Variants in DYNC1I2 observed in about 807,000 individuals in gnomAD.
The protein encoded by DYNC1I2 is dynein cytoplasmic 1 intermediate chain 2.
In DYNC1I2, 53 loss-of-function variants were observed where a neutral mutation model predicts 88.6. That is an observed-to-expected ratio of 0.60 (90% confidence interval 0.48 to 0.75). The LOEUF (loss-of-function observed/expected upper bound fraction) is 0.75, where lower values mean the gene tolerates loss of function less well. Ranked by LOEUF, DYNC1I2 falls within the 30% of genes least tolerant of loss-of-function variation. The probability of loss-of-function intolerance (pLI) is 0.00; values close to 1 mark genes in which losing one functional copy is unlikely to be tolerated. For missense variants in DYNC1I2, 458 were observed against 766.6 expected (o/e 0.60, Z 4.75); for synonymous variants, 198 against 254.6 (o/e 0.78, Z 2.12).
At chr2:171,712,141 G>A (rs1687166420) in intron 5 of DYNC1I2, among the ~76,000 whole-genome samples, 1 of 152,120 alleles carries the variant, frequency 6.6e-6, no homozygotes, top group East Asian at 1.9e-4. Context: ...ATCTTTAGTT[G>A]TTTTCTTTAA....
Position 171,729,756 on chromosome 2 carries a change from C to G in DYNC1I2, c.1439C>G (p.Thr480Ser), listed in dbSNP as rs374814907. The G allele has an allele frequency of 2.5e-6, 4 of 1,613,156 alleles. No homozygotes were observed. Among genetic ancestry groups the G allele is most frequent in the Non-Finnish European group, 3.4e-6 (4 of 1,179,754 alleles). The part of the protein sequence containing the change: ...EMFEGHQGPI[T>S]GIHCHAAVGA... ...TTTGAGGGGCATCAAGGACCAATCA[C>G]TGGCATCCATTGTCATGCAGCTGTT... Residue 480 changes from threonine (T) to serine (S), a missense_variant, in exon 15 of 18, where the codon ACT becomes AGT. Physicochemically the swap from Thr to Ser is moderately conservative, Grantham distance 58. Coordinates refer to ENST00000397119, the MANE Select transcript of DYNC1I2 (RefSeq NM_001378.3).
chr2:171,700,416 C>T (rs1686157537), intron 3 of DYNC1I2, among the ~76,000 whole-genome samples: 1 of 152,112 alleles, frequency 6.6e-6, no homozygotes, highest in East Asian at 1.9e-4. Context: ...AGAGAATTTA[C>T]CCATAAATCA....
At chr2:171,739,696 CTTTTTTTTTTTTTTTT>C (rs201750115) in intron 15 of DYNC1I2, among the ~76,000 whole-genome samples, 2 of 65,034 alleles carry the variant, frequency 3.1e-5, no homozygotes, top group Non-Finnish European at 5.7e-5. Flanking sequence ...TGACATATCT[CTTTTTTTTTTTTTTTT>C]TTTTTTTTTT....
chr2:171,708,094 A>AC (rs1369079913), intron 5 of DYNC1I2, among the ~76,000 whole-genome samples: 2 of 95,910 alleles, frequency 2.1e-5, no homozygotes, highest in African/African-American at 7.0e-5. Flanking sequence ...CACACACACA[A>AC]AATAGTGAGT....
At position 171,712,837 on chromosome 2, in the gene DYNC1I2, G is replaced by T. The variant is rs1254926247; in HGVS notation, c.395+11G>T. 1 of 1,607,856 alleles carries T rather than the reference G, an allele frequency of 6.2e-7. No homozygotes were observed. Among genetic ancestry groups the T allele is most frequent in the Admixed American group, 1.7e-5 (1 of 59,818 alleles). On this transcript the variant is annotated intron_variant, in intron 6 of 17. Coordinates refer to ENST00000397119, the MANE Select transcript of DYNC1I2 (RefSeq NM_001378.3). ...AGATTCCGATTTGGGGTATTGAATA[G>T]ATTTTTTACCTTCCCTGTTTTATAA... is the stretch of plus-strand genomic sequence containing the variant.
chr2:171,735,919 A>G (rs895081763), intron 15 of DYNC1I2, among the ~76,000 whole-genome samples: 14 of 152,234 alleles, frequency 9.2e-5, no homozygotes, highest in African/African-American at 3.4e-4. Flanking sequence ...CATATTTACC[A>G]TAAAATGACG....
At chr2:171,692,972 T>G (rs1685503867) in intron 3 of DYNC1I2, 78 bp downstream of exon 3, 1 of 1,004,792 alleles carries the variant, frequency 1.0e-6, no homozygotes, top group Non-Finnish European at 1.5e-6. Context: ...GTGGATTGAC[T>G]TGATATATTT....
At chr2:171,690,092 A>C (rs1574493587) in intron 1 of DYNC1I2, 55 bp from the exon 2 acceptor site, 1 of 1,130,286 alleles carries the variant, frequency 8.8e-7, no homozygotes, top group East Asian at 2.6e-5. Context: ...TTCTTGGAAC[A>C]CTAGTTTTTT....
chr2:171,699,490 A>G lies in DYNC1I2; in HGVS notation c.226+6596A>G, dbSNP rs146539471. 5.1e-3 allele frequency among the ~76,000 whole-genome samples: 774 copies of G among 152,260 alleles called. 9 individuals are homozygous for G. The highest frequency in any genetic ancestry group is 0.018 in the African/African-American group (732 of 41,540). ...TATTTTGTAGAATAATTTATAAAAG[A>G]TGCCTGTTTCTTAAAAGCTCATTAG... On this transcript the variant is annotated intron_variant, in intron 3 of 17. Transcript: ENST00000397119.
chr2:171,704,230 G>C (rs1035491455), intron 3 of DYNC1I2, among the ~76,000 whole-genome samples: 3 of 152,010 alleles, frequency 2.0e-5, no homozygotes, highest in African/African-American at 7.2e-5. Context: ...CAAGGTCTAA[G>C]CTGGTAGGAA....
chr2:171,733,566 C>G (rs1688789778), intron 15 of DYNC1I2, among the ~76,000 whole-genome samples: 1 of 135,308 alleles, frequency 7.4e-6, no homozygotes, highest in Middle Eastern at 4.2e-3. Flanking sequence ...CTCTAATGAT[C>G]AGTGATATAT....
chr2:171,715,416 A>G lies in DYNC1I2; in HGVS notation c.484A>G (p.Thr162Ala). Residue 162 changes from threonine to alanine, a missense_variant, in exon 7 of 18, where the codon ACT becomes GCT. Physicochemically the swap from Thr to Ala is moderately conservative, Grantham distance 58. Coordinates refer to ENST00000397119, the MANE Select transcript of DYNC1I2 (RefSeq NM_001378.3). ...EIVTYTKETQ[T>A]PVMAQPKEDE... ...TGTCACGTATACAAAGGAAACTCAG[A>G]CTCCAGTTATGGCTCAACCCAAAGA... The G allele has an allele frequency of 6.4e-7, 1 of 1,567,352 alleles. No individual in the cohort carries two copies. Among genetic ancestry groups the G allele is most frequent in the Non-Finnish European group, 8.7e-7 (1 of 1,154,436 alleles).
chr2:171,731,473 C>T (rs780033642), intron 15 of DYNC1I2, among the ~76,000 whole-genome samples: 227 of 152,254 alleles, frequency 1.5e-3, no homozygotes, highest in Non-Finnish European at 2.7e-3. Context: ...AAAACATTGG[C>T]CGGGCTCAGT....
chr2:171,725,803 A>G (rs1013613889), intron 8 of DYNC1I2, 90 bp downstream of exon 8: 21 of 1,286,816 alleles, frequency 1.6e-5, no homozygotes, highest in African/African-American at 3.0e-5. Context: ...AATGCTGTAA[A>G]TCAAATAAGT....
Position 171,729,986 on chromosome 2 carries a change from C to G in DYNC1I2, c.1536+133C>G, listed in dbSNP as rs941655489. 30 of 1,036,874 alleles carry G rather than the reference C, an allele frequency of 2.9e-5. No individual in the cohort carries two copies. The African/African-American group carries it at 3.7e-4, about 13-fold the overall frequency. The allele number at this position is 1,036,874 out of a possible 1,614,324, so 64.2% of individuals were successfully genotyped here. ...ATAGATGAAGCCTGCTAGGAAGTTA[C>G]ACAGAGCATGAGTGAACTACTAGAT... is the stretch of plus-strand genomic sequence containing the variant. On this transcript the variant is annotated intron_variant, in intron 15 of 17. Transcript: ENST00000397119.
At chr2:171,726,642 A>AG (rs1470464813) in intron 10 of DYNC1I2, 149 bp from the exon 11 acceptor site, 1 of 778,202 alleles carries the variant, frequency 1.3e-6, no homozygotes, top group Non-Finnish European at 1.9e-6. Context: ...CTAATGTCCC[A>AG]GTAGGCATAA....
At chr2:171,737,045 A>G (rs1689058184) in intron 15 of DYNC1I2, among the ~76,000 whole-genome samples, 1 of 152,218 alleles carries the variant, frequency 6.6e-6, no homozygotes. Flanking sequence ...TCTGGAGGCC[A>G]GAAGTCCAAA....
chr2:171,709,135 A>G (rs1460963375), intron 5 of DYNC1I2, among the ~76,000 whole-genome samples: 1 of 152,134 alleles, frequency 6.6e-6, no homozygotes. Flanking sequence ...TTGATATTAT[A>G]CATTATTTTT....
rs1373227662 is a variant in DYNC1I2 at position 171,744,057 on chromosome 2, G to A, written c.1545G>A (p.Lys515=). 2 of 1,609,354 alleles carry A rather than the reference G, an allele frequency of 1.2e-6. No homozygotes were observed. Among genetic ancestry groups the A allele is most frequent in the African/African-American group, 2.7e-5 (2 of 74,848 alleles). The change falls in exon 16 of 18, where the codon AAG becomes AAA. Residue 515 remains lysine, a synonymous_variant. Transcript: ENST00000397119. The part of the protein sequence containing the change: ...TVKLWTTKNN[K]PLYSFEDNAD... ...CAACTTTTCTCTTTCAGAATAACAA[G>A]CCTTTGTATTCATTTGAAGATAATG...
Sources: allele counts gnomAD v4.1 joint callset (sites outside exome capture counted in the v4.1 genomes callset), GRCh38; gene constraint gnomAD v4.1.1; transcripts MANE v1.5; gene names NCBI Gene and HGNC (gene_info 2026-07-23, HGNC 2026-07-21).